SHC4: variants seen among roughly 807,000 people sequenced by gnomAD.
SHC4 encodes SHC adaptor protein 4, also known as SHC-transforming protein 4.
In SHC4, 41 loss-of-function variants were observed where a neutral mutation model predicts 69.4. The observed-to-expected ratio is 0.59, with a 90% CI of 0.46 to 0.77. SHC4 has a LOEUF of 0.77. Ranked by LOEUF, SHC4 falls within the 30% of genes least tolerant of loss-of-function variation. The pLI is 0.00. For missense variants in SHC4, 777 were observed against 783.8 expected (o/e 0.99, Z 0.10); for synonymous variants, 318 against 299.3 (o/e 1.06, Z -0.64).
At chr15:48,874,075 A>G (rs937598802) in intron 4 of SHC4, among the ~76,000 whole-genome samples, 2 of 152,342 alleles carry the variant, frequency 1.3e-5, no homozygotes, top group Middle Eastern at 3.4e-3. Context: ...GAATTCCCTT[A>G]TAAGATAATA....
chr15:48,926,832 G>C (rs1900862430), intron 1 of SHC4, among the ~76,000 whole-genome samples: 1 of 152,148 alleles, frequency 6.6e-6, no homozygotes, highest in African/African-American at 2.4e-5. Context: ...CCTGGAGCCT[G>C]GTGCTGGGAA....
chr15:48,907,851 T>TATAA (rs1900437747), intron 2 of SHC4, among the ~76,000 whole-genome samples: 1 of 151,802 alleles, frequency 6.6e-6, no homozygotes, highest in African/African-American at 2.4e-5. Context: ...TATATATATA[T>TATAA]ATATGTATAT....
intron 2 of SHC4, among the ~76,000 whole-genome samples, chr15:48,921,470 G>A (rs1388887041): frequency 6.6e-6 from 1 of 152,084 alleles, no homozygotes; most frequent in Non-Finnish European, 1.5e-5. Context: ...AAGTAGCTGG[G>A]ATTACAGGTG....
Position 48,826,063 on chromosome 15 carries a change from T to C in SHC4, c.1801A>G (p.Ser601Gly). The C allele has an allele frequency of 1.2e-6, 2 of 1,613,988 alleles. No individual in the cohort carries two copies. Among genetic ancestry groups the C allele is most frequent in the African/African-American group, 1.3e-5 (1 of 75,022 alleles). Reference sequence around the variant, plus strand: ...CTTCCAGAGGAGATGATTGGCAAACTGTTATCCATATGGTATCTGATAAGG... The same window carrying C: ...CTTCCAGAGGAGATGATTGGCAAACCGTTATCCATATGGTATCTGATAAGG... ...GHLIRYHMDNSLPIISSGSEV... is the reference protein window; with the variant it reads ...GHLIRYHMDNGLPIISSGSEV... The change falls in exon 12 of 12, where the codon AGT becomes GGT. Residue 601 changes from serine to glycine, a missense_variant. By Grantham distance (56) the Ser-to-Gly change is moderately conservative. Transcript: ENST00000332408.
At chr15:48,878,620 G>A (rs374626879) in intron 4 of SHC4, 170 of 1,613,956 alleles carry the variant, frequency 1.1e-4, no homozygotes, top group Middle Eastern at 1.6e-4. Flanking sequence ...GCGGGTTTCA[G>A]ATGCATTATG....
At chr15:48,829,850 C>T (rs1020200809) in intron 11 of SHC4, among the ~76,000 whole-genome samples, 3 of 152,236 alleles carry the variant, frequency 2.0e-5, no homozygotes, top group East Asian at 1.9e-4. Context: ...ACCCAGGAGG[C>T]GGAGGTTGTA....
intron 5 of SHC4, among the ~76,000 whole-genome samples, chr15:48,869,850 C>T (rs1489764138): frequency 6.6e-6 from 1 of 152,184 alleles, no homozygotes; most frequent in East Asian, 1.9e-4. Context: ...GCTTTCTCAC[C>T]AGCTTTAGAG....
At chr15:48,866,163 G>A (rs986491788) in intron 6 of SHC4, among the ~76,000 whole-genome samples, 3 of 152,114 alleles carry the variant, frequency 2.0e-5, no homozygotes, top group Non-Finnish European at 4.4e-5. Flanking sequence ...GAAATAGCAA[G>A]CAGTTATTAT....
In SHC4 at chr15:48,843,487, G is replaced by A; in HGVS notation, c.1405C>T (p.Gln469Ter). 1.9e-6 allele frequency: 3 copies of A among 1,614,132 alleles called. No individual in the cohort carries two copies. The highest frequency in any genetic ancestry group is 2.5e-6 in the Non-Finnish European group (3 of 1,179,994). ...LFDDPCYINT[Q>*]ALQSTPGSAG... ...GAGCCAGGTGTACTTTGAAGAGCCT[G>A]TGTATTAATGTAGCAGGGGTCATCA... Residue 469 changes from glutamine (Q) to a stop codon, truncating the protein, a stop_gained, in exon 10 of 12, where the codon CAG becomes TAG. Transcript: ENST00000332408. LOFTEE classifies it high-confidence loss of function.
At chr15:48,880,623 A>T (rs377483112) in intron 4 of SHC4, among the ~76,000 whole-genome samples, 9 of 152,058 alleles carry the variant, frequency 5.9e-5, no homozygotes, top group African/African-American at 2.2e-4. Flanking sequence ...GGGGTGGGAA[A>T]CACTATTCCA....
chr15:48,905,438 T>A (rs554602669), intron 2 of SHC4, among the ~76,000 whole-genome samples: 2 of 152,354 alleles, frequency 1.3e-5, no homozygotes, highest in African/African-American at 4.8e-5. Flanking sequence ...CAACTGCAGC[T>A]TCTGTGCTTC....
intron 9 of SHC4, among the ~76,000 whole-genome samples, chr15:48,850,927 G>A (rs1899200626): frequency 6.6e-6 from 1 of 152,180 alleles, no homozygotes; most frequent in African/African-American, 2.4e-5. Context: ...GAGCTTTCAT[G>A]ATTTCAAGGC....
At chr15:48,949,724 A>G (rs1278240012) in intron 1 of SHC4, among the ~76,000 whole-genome samples, 1 of 150,992 alleles carries the variant, frequency 6.6e-6, no homozygotes, top group Non-Finnish European at 1.5e-5. Context: ...CGGATAACCT[A>G]TAATTCCTTA....
At chr15:48,932,616 T>C (rs530176272) in intron 1 of SHC4, among the ~76,000 whole-genome samples, 1 of 152,184 alleles carries the variant, frequency 6.6e-6, no homozygotes, top group African/African-American at 2.4e-5. Flanking sequence ...TTCTTATCCA[T>C]GTCCATCTTA....
At chr15:48,881,202 G>T (rs1177542012) in intron 4 of SHC4, among the ~76,000 whole-genome samples, 1 of 152,054 alleles carries the variant, frequency 6.6e-6, no homozygotes, top group Non-Finnish European at 1.5e-5. Flanking sequence ...TCAGGCCACA[G>T]ATCTATTTTG....
intron 11 of SHC4, among the ~76,000 whole-genome samples, chr15:48,828,578 C>T (rs2140962677): frequency 6.6e-6 from 1 of 152,308 alleles, no homozygotes; most frequent in East Asian, 1.9e-4. Flanking sequence ...AACCTCCAAA[C>T]TGTGTTCCAT....
intron 6 of SHC4, among the ~76,000 whole-genome samples, chr15:48,864,367 G>A (rs1302049716): frequency 6.7e-6 from 1 of 148,490 alleles, no homozygotes; most frequent in Non-Finnish European, 1.5e-5. Context: ...CACGACTAAT[G>A]AGATGTCCTC....
At chr15:48,942,517 A>G (rs1901193963) in intron 1 of SHC4, among the ~76,000 whole-genome samples, 1 of 152,062 alleles carries the variant, frequency 6.6e-6, no homozygotes, top group Non-Finnish European at 1.5e-5. Context: ...GCTAAGGAGA[A>G]AAAAAGGGCA....
intron 1 of SHC4, among the ~76,000 whole-genome samples, chr15:48,952,448 A>G (rs1901381077): frequency 6.6e-6 from 1 of 152,208 alleles, no homozygotes; most frequent in Admixed American, 6.5e-5. Flanking sequence ...TGATTAAGAT[A>G]CAAAGCTATC....
Sources: allele counts gnomAD v4.1 joint callset (sites outside exome capture counted in the v4.1 genomes callset), GRCh38; gene constraint gnomAD v4.1.1; transcripts MANE v1.5; gene names NCBI Gene and HGNC (gene_info 2026-07-23, HGNC 2026-07-21).